Variants in RHPN2 observed in about 807,000 individuals in gnomAD.
RHPN2 encodes the protein rhophilin Rho GTPase binding protein 2, also known as rhophilin-2.
A neutral mutation model predicts 79.0 loss-of-function variants in RHPN2; 40 were observed. The observed-to-expected ratio is 0.51, with a 90% CI of 0.39 to 0.66. The LOEUF (loss-of-function observed/expected upper bound fraction) is 0.66, where lower values mean the gene tolerates loss of function less well. Among genes scored for constraint, RHPN2 ranks in the 30% least tolerant of loss-of-function variants. The pLI is 0.00. For missense variants in RHPN2, 686 were observed against 883.5 expected, an observed-to-expected ratio of 0.78 and a Z score of 2.83; for synonymous variants, 285 against 363.5, an observed-to-expected ratio of 0.78 and a Z score of 2.46.
Position 33,044,342 on chromosome 19 carries a change from G to C in RHPN2, c.92C>G (p.Thr31Ser). The change falls in exon 2 of 15, where the codon ACC (threonine) becomes AGC (serine). Residue 31 changes from threonine (T) to serine (S), a missense_variant. Transcript: ENST00000254260. ...FRKGCNPLAQ[T>S]GRSKLQNQRA... Reference sequence around the variant, plus strand: ...TTGATTCTGCAATTTACTCCGGCCGGTTTGTGCAAGGGGATTACAGCCCTG... The same window carrying C: ...TTGATTCTGCAATTTACTCCGGCCGCTTTGTGCAAGGGGATTACAGCCCTG... 2 of 1,614,090 alleles carry C rather than the reference G, an allele frequency of 1.2e-6. No homozygotes were observed. Among genetic ancestry groups the C allele is most frequent in the Non-Finnish European group, 1.7e-6 (2 of 1,179,982 alleles).
chr19:32,981,352 G>A (rs1270482009), intron 14 of RHPN2, among the ~76,000 whole-genome samples: 1 of 140,922 alleles, frequency 7.1e-6, no homozygotes, highest in Admixed American at 7.7e-5. Context: ...ATAGTGAGCT[G>A]TGATTGTGCC....
intron 6 of RHPN2, among the ~76,000 whole-genome samples, chr19:33,010,386 T>G (rs1477261512): frequency 7.9e-5 from 2 of 25,164 alleles, no homozygotes; most frequent in East Asian, 2.9e-3. Context: ...TTTTAGGTTG[T>G]TTTTTTTTTT....
In RHPN2 at chr19:32,979,970, G is replaced by A. The variant is rs201677832; in HGVS notation, c.*26C>T. The stretch of plus-strand genomic sequence containing the variant: ...CCGAGTCAGCACCGGAAATGTTCAG[G>A]GCCTGAACATGTTTGTTTCCTCACA... On this transcript the variant is annotated 3_prime_UTR_variant, in exon 15 of 15. Transcript: ENST00000254260. 12 of 1,613,402 alleles carry A rather than the reference G, an allele frequency of 7.4e-6. No individual in the cohort carries two copies. The highest frequency in any genetic ancestry group is 1.3e-5 in the African/African-American group (1 of 74,876).
intron 12 of RHPN2, 146 bp downstream of exon 12, chr19:32,993,831 G>A (rs903371633): frequency 4.7e-5 from 32 of 680,158 alleles, no homozygotes; most frequent in Admixed American, 2.9e-4. Context: ...CCCAGCCTCC[G>A]GAACTAAGAA....
chr19:33,032,210 G>A (rs545348950), intron 2 of RHPN2, among the ~76,000 whole-genome samples: 12 of 151,610 alleles, frequency 7.9e-5, no homozygotes, highest in East Asian at 5.8e-4. Context: ...TAGTAGAGAC[G>A]GGGTTTCACC....
At chr19:33,060,867 G>A (rs936502151) in intron 1 of RHPN2, among the ~76,000 whole-genome samples, 1 of 152,118 alleles carries the variant, frequency 6.6e-6, no homozygotes, top group Non-Finnish European at 1.5e-5. Context: ...TCAGTAGTCC[G>A]TAAAAGAGAA....
At chr19:33,018,532 T>C (rs1041427599) in intron 4 of RHPN2, among the ~76,000 whole-genome samples, 13 of 152,164 alleles carry the variant, frequency 8.5e-5, no homozygotes, top group Admixed American at 5.2e-4. Context: ...AATTCCCGAA[T>C]TGTTTTCATT....
chr19:33,060,047 A>G (rs903388842), intron 1 of RHPN2, among the ~76,000 whole-genome samples: 13 of 152,144 alleles, frequency 8.5e-5, no homozygotes, highest in African/African-American at 3.1e-4. Flanking sequence ...GGACCGCCAC[A>G]TGGATATCCC....
chr19:33,009,029 T>C (rs1305819495), intron 6 of RHPN2, among the ~76,000 whole-genome samples: 2 of 151,604 alleles, frequency 1.3e-5, no homozygotes, highest in Non-Finnish European at 2.9e-5. Context: ...ACCTACTGTA[T>C]ACGCTGTGTG....
intron 10 of RHPN2, among the ~76,000 whole-genome samples, chr19:32,998,566 G>A (rs1971721524): frequency 6.6e-6 from 1 of 151,986 alleles, no homozygotes; most frequent in African/African-American, 2.4e-5. Context: ...AAGATCACTT[G>A]AAGCCAGGAG....
At chr19:32,998,701 GGA>G (rs3991890) in intron 10 of RHPN2, among the ~76,000 whole-genome samples, 5 of 140,140 alleles carry the variant, frequency 3.6e-5, no homozygotes, top group African/African-American at 2.7e-5. Context: ...TAGATGGGGA[GGA>G]GAGAGAGAGA....
intron 14 of RHPN2, among the ~76,000 whole-genome samples, chr19:32,985,517 G>C (rs1475915328): frequency 1.3e-5 from 2 of 152,142 alleles, no homozygotes; most frequent in Admixed American, 6.6e-5. Context: ...CATGCCTGTA[G>C]TCCTAGCTAC....
intron 14 of RHPN2, among the ~76,000 whole-genome samples, chr19:32,985,366 C>T (rs7259437): frequency 0.4 from 61,078 of 152,000 alleles, 12,422 homozygotes; most frequent in East Asian, 0.48. Context: ...GCCGGGCATG[C>T]TGGCTTATGC....
chr19:33,046,998 C>T (rs1972147788), intron 1 of RHPN2, among the ~76,000 whole-genome samples: 1 of 152,092 alleles, frequency 6.6e-6, no homozygotes, highest in Non-Finnish European at 1.5e-5. Context: ...GCTGGGACTA[C>T]AGGTGCATGC....
chr19:33,057,179 C>CA (rs1972240817), intron 1 of RHPN2, among the ~76,000 whole-genome samples: 1 of 144,302 alleles, frequency 6.9e-6, no homozygotes, highest in South Asian at 2.2e-4. Flanking sequence ...ACCGTCTCTA[C>CA]AAAAAATTTA....
At chr19:33,011,621 C>T in intron 6 of RHPN2, 58 bp downstream of exon 6, 2 of 1,613,052 alleles carry the variant, frequency 1.2e-6, no homozygotes, top group Non-Finnish European at 1.7e-6. Flanking sequence ...GATGCTGAGG[C>T]TCCAAAATTG....
At chr19:33,013,271 T>C (rs10416426) in intron 4 of RHPN2, among the ~76,000 whole-genome samples, 45,136 of 151,046 alleles carry the variant, frequency 0.3, 7,401 homozygotes, top group African/African-American at 0.44. Flanking sequence ...CTCGGCTCAC[T>C]GCAACCTCCA....
chr19:33,012,356 T>C (rs1325923465), intron 5 of RHPN2, among the ~76,000 whole-genome samples: 1 of 152,110 alleles, frequency 6.6e-6, no homozygotes, highest in Non-Finnish European at 1.5e-5. Context: ...TTTGTATTTT[T>C]AGTAGAGACA....
intron 4 of RHPN2, among the ~76,000 whole-genome samples, chr19:33,014,304 CTTCT>C (rs1223498980): frequency 2.0e-5 from 3 of 151,892 alleles, no homozygotes; most frequent in African/African-American, 7.3e-5. Context: ...TTTGCTGTGC[CTTCT>C]TTTTCTTTTT....
Sources: gnomAD v4.1 joint callset for allele counts (sites outside exome capture counted in the v4.1 genomes callset) on GRCh38, gnomAD v4.1.1 for gene constraint, MANE v1.5 for transcripts, NCBI Gene and HGNC (gene_info 2026-07-23, HGNC 2026-07-21) for gene names.